INTS7: variants seen among roughly 807,000 people sequenced by gnomAD.
INTS7 encodes the protein chromosome 1 open reading frame 73.
Under a neutral mutation model 109.2 loss-of-function variants are expected in INTS7, and 46 were observed. That is an observed-to-expected ratio of 0.42 (90% CI 0.33 to 0.54). INTS7 has a LOEUF of 0.54. Among genes scored for constraint, INTS7 ranks in the 20% least tolerant of loss-of-function variants. INTS7 has a pLI of 0.07. For missense variants in INTS7, 929 were observed against 1,132.4 expected (o/e 0.82, Z 2.58); for synonymous variants, 412 against 402.9 (o/e 1.02, Z -0.27).
At chr1:212,023,053 T>C (rs1666775176) in intron 1 of INTS7, among the ~76,000 whole-genome samples, 1 of 152,254 alleles carries the variant, frequency 6.6e-6, no homozygotes, top group Non-Finnish European at 1.5e-5. Flanking sequence ...GGCCTCCAGC[T>C]GCATCCATGT....
At chr1:212,001,378 A>G (rs527458369) in intron 7 of INTS7, among the ~76,000 whole-genome samples, 2 of 152,164 alleles carry the variant, frequency 1.3e-5, no homozygotes, top group African/African-American at 4.8e-5. Context: ...CGTTTTCTAC[A>G]GTAGGCACTC....
At chr1:212,023,253 C>G (rs1452429039) in intron 1 of INTS7, among the ~76,000 whole-genome samples, 3 of 152,028 alleles carry the variant, frequency 2.0e-5, no homozygotes, top group Non-Finnish European at 4.4e-5. Flanking sequence ...ATTTATTTTC[C>G]TTTGTGTATA....
Position 212,007,570 on chromosome 1 carries a change from T to C in INTS7, c.557-121A>G, listed in dbSNP as rs530494634. The C allele has an allele frequency of 2.3e-4, 147 of 646,926 alleles. 1 individual carries two copies. The East Asian group carries it at 3.7e-3, about 16-fold the overall frequency. The allele number at this position is 646,926 out of a possible 1,614,324, so 40.1% of individuals were successfully genotyped here. A position where few individuals can be genotyped will look rare whatever the true frequency, so the allele number is the denominator to read the frequency against. Reference sequence around the variant, plus strand: ...GAAAAACACAGTATACTAATATATTTATAACATTAAAGATTATACTAGAAC... The same window carrying C: ...GAAAAACACAGTATACTAATATATTCATAACATTAAAGATTATACTAGAAC... On this transcript the variant is annotated intron_variant, in intron 5 of 19. Coordinates refer to ENST00000366994, the MANE Select transcript of INTS7 (RefSeq NM_015434.4).
At chr1:211,977,568 G>A (rs1314726708) in intron 11 of INTS7, among the ~76,000 whole-genome samples, 1 of 152,160 alleles carries the variant, frequency 6.6e-6, no homozygotes, top group East Asian at 1.9e-4. Context: ...CATAAAACAG[G>A]CTTGAATAAA....
At chr1:212,027,016 C>T (rs930644698) in intron 1 of INTS7, among the ~76,000 whole-genome samples, 9 of 152,102 alleles carry the variant, frequency 5.9e-5, no homozygotes, top group African/African-American at 1.9e-4. Flanking sequence ...AAACTTTTTT[C>T]TCTGAGATAA....
At chr1:211,949,602 C>A (rs1180919085) in intron 17 of INTS7, among the ~76,000 whole-genome samples, 1 of 152,154 alleles carries the variant, frequency 6.6e-6, no homozygotes, top group Admixed American at 6.5e-5. Context: ...CTGAAAAAGC[C>A]TTGTAGTCAT....
intron 12 of INTS7, 114 bp from the exon 13 acceptor site, chr1:211,975,486 G>T: frequency 1.4e-6 from 1 of 711,348 alleles, no homozygotes; most frequent in Non-Finnish European, 2.4e-6. Flanking sequence ...GGATAAGTCT[G>T]AACAATCATT....
intron 1 of INTS7, among the ~76,000 whole-genome samples, chr1:212,031,561 C>T (rs1667164253): frequency 6.6e-6 from 1 of 152,210 alleles, no homozygotes; most frequent in Non-Finnish European, 1.5e-5. Flanking sequence ...ACTTCTTGTC[C>T]TGACTAACGG....
intron 19 of INTS7, 131 bp downstream of exon 19, chr1:211,944,649 GGCTT>G (rs1662773028): frequency 1.4e-6 from 1 of 695,294 alleles, no homozygotes; most frequent in Admixed American, 2.6e-5. Flanking sequence ...CCCCAATGTG[GGCTT>G]TTAATTTATG....
At chr1:211,987,824 A>T in intron 8 of INTS7, 62 bp downstream of exon 8, 12 of 919,626 alleles carry the variant, frequency 1.3e-5, no homozygotes, top group Non-Finnish European at 2.0e-5. Context: ...ACAACCTGAA[A>T]CATAAATATG....
chr1:212,000,108 GA>G (rs953793375), intron 7 of INTS7, among the ~76,000 whole-genome samples: 3 of 146,356 alleles, frequency 2.0e-5, no homozygotes, highest in African/African-American at 7.5e-5. Flanking sequence ...CTGTCTCAAA[GA>G]AAAAAAAGAA....
At chr1:212,033,140 T>A (rs950004797) in intron 1 of INTS7, among the ~76,000 whole-genome samples, 1 of 152,140 alleles carries the variant, frequency 6.6e-6, no homozygotes, top group Non-Finnish European at 1.5e-5. Flanking sequence ...TCTGAGTGTG[T>A]ATGCTGAGGT....
intron 18 of INTS7, among the ~76,000 whole-genome samples, chr1:211,945,868 C>T (rs554081240): frequency 4.9e-4 from 75 of 152,276 alleles, no homozygotes; most frequent in African/African-American, 1.8e-3. Flanking sequence ...CACTGGTTAG[C>T]CCCTCAAAAC....
chr1:211,987,714 G>T (rs1359202069), intron 8 of INTS7, among the ~76,000 whole-genome samples, 172 bp downstream of exon 8: 1 of 152,122 alleles, frequency 6.6e-6, no homozygotes, highest in Non-Finnish European at 1.5e-5. Context: ...GCGAGATGTT[G>T]TTATCATAGG....
chr1:211,971,658 A>C (rs1571862778), intron 13 of INTS7, among the ~76,000 whole-genome samples: 1 of 152,216 alleles, frequency 6.6e-6, no homozygotes, highest in African/African-American at 2.4e-5. Context: ...GCTCACGCCT[A>C]TAATGCCAGC....
intron 7 of INTS7, among the ~76,000 whole-genome samples, chr1:211,991,419 A>C (rs1665138367): frequency 6.6e-6 from 1 of 152,222 alleles, no homozygotes; most frequent in East Asian, 1.9e-4. Flanking sequence ...GATTTTCATA[A>C]AAAACACCTC....
intron 4 of INTS7, among the ~76,000 whole-genome samples, chr1:212,014,593 C>T (rs1238900804): frequency 6.7e-6 from 1 of 150,176 alleles, no homozygotes; most frequent in Non-Finnish European, 1.5e-5. Flanking sequence ...CCTCTGATGC[C>T]GAGCGGAGGC....
Position 211,942,263 on chromosome 1 carries a change from A to G in INTS7, c.2602-152T>C, listed in dbSNP as rs115178349. ...TCCTTGCTTCACCGATGAGGAGTCT[A>G]AGGCAGACAGGTTAAGTAATGTCTC... On this transcript the variant is annotated intron_variant, in intron 19 of 19. Coordinates refer to ENST00000366994, the MANE Select transcript of INTS7 (RefSeq NM_015434.4). This position sits in a 1 kb window ranked among gnomAD's most constrained non-coding sequence, Gnocchi z 4.2. 1.6e-3 allele frequency: 1,286 copies of G among 788,594 alleles called. 9 individuals carry two copies. The African/African-American group carries it at 0.019, about 12-fold the overall frequency. 48.8% of individuals were successfully genotyped at this position (788,594 alleles called of 1,614,324 possible). A position where few individuals can be genotyped will look rare whatever the true frequency, so the allele number is the denominator to read the frequency against.
In INTS7 at chr1:211,988,134, A is replaced by G. The variant is rs979966084; in HGVS notation, c.880-131T>C. ...GACTTTTTTTCATGTTAAAAAACTTAAATCGAGGCCAGGTGCAGTGGCTCA... is the reference window on the plus strand; with the variant it reads ...GACTTTTTTTCATGTTAAAAAACTTGAATCGAGGCCAGGTGCAGTGGCTCA... On this transcript the variant is annotated intron_variant, in intron 7 of 19. Coordinates refer to ENST00000366994, the MANE Select transcript of INTS7 (RefSeq NM_015434.4). 5 of 499,326 alleles carry G rather than the reference A, an allele frequency of 1.0e-5. No individual in the cohort carries two copies. In the African/African-American group the frequency reaches 1.0e-4, roughly 10 times the overall value. The allele number at this position is 499,326 out of a possible 1,614,324, so 30.9% of individuals were successfully genotyped here. A position where few individuals can be genotyped will look rare whatever the true frequency, so the allele number is the denominator to read the frequency against.
Sources: gnomAD v4.1 joint callset for allele counts (sites outside exome capture counted in the v4.1 genomes callset) on GRCh38, gnomAD v4.1.1 for gene constraint, Gnocchi (gnomAD v3.1) non-coding constraint, MANE v1.5 for transcripts, NCBI Gene and HGNC (gene_info 2026-07-23, HGNC 2026-07-21) for gene names.